ANKS1B: variants seen among roughly 807,000 people sequenced by gnomAD.
The protein encoded by ANKS1B is ankyrin repeat and sterile alpha motif domain-containing protein 1B.
ANKS1B carries 36 observed loss-of-function variants against 148.3 expected under a neutral mutation model. The observed-to-expected ratio is 0.24, with a 90% CI of 0.19 to 0.32. ANKS1B has a LOEUF of 0.32. ANKS1B is among the 10% of genes least tolerant of loss of function. The probability of loss-of-function intolerance (pLI) is 1.00; values close to 1 mark genes in which losing one functional copy is unlikely to be tolerated. For synonymous variants in ANKS1B, 542 were observed against 560.8 expected (o/e 0.97, Z 0.47); for missense variants, 1,157 against 1,542.6 (o/e 0.75, Z 4.19).
At chr12:99,617,704 T>C (rs2097986350) in intron 9 of ANKS1B, among the ~76,000 whole-genome samples, 1 of 151,850 alleles carries the variant, frequency 6.6e-6, no homozygotes, top group South Asian at 2.1e-4. Flanking sequence ...GCTTAAAACC[T>C]AGATGATGGG....
Position 99,468,511 on chromosome 12 carries a change from A to C in ANKS1B, c.1439-24702T>G, listed in dbSNP as rs1488236134. On this transcript the variant is annotated intron_variant, in intron 10 of 26. Coordinates refer to ENST00000683438, the MANE Select transcript of ANKS1B (RefSeq NM_001352186.2). ...ATCAGAGTGAACAGGCAACCTAAAA[A>C]ATGGAAGAAAATTTTCGCAACCTAC... is the stretch of plus-strand genomic sequence containing the variant. Among the ~76,000 whole-genome samples, 6 of 152,298 alleles carry C rather than the reference A, an allele frequency of 3.9e-5. No homozygotes were observed. The East Asian group carries it at 1.2e-3, about 29-fold the overall frequency.
In ANKS1B at chr12:99,504,611, T is replaced by C. The variant is rs770161611; in HGVS notation, c.1303A>G (p.Met435Val). The change falls in exon 10 of 27, where the codon ATG becomes GTG. Residue 435 changes from methionine to valine, a missense_variant. Around this residue, in one of 6 missense-constraint regions of ANKS1B, gnomAD observed 661 missense variants for 642.1 expected, o/e 1.03. Transcript: ENST00000683438. ...AGAGAAGCAGATGGTACAATTTCCATAGTGTAATTTCTCTTCTTTGGATAG... is the reference window on the plus strand; with the variant it reads ...AGAGAAGCAGATGGTACAATTTCCACAGTGTAATTTCTCTTCTTTGGATAG... The part of the protein sequence containing the change: ...ESYPKKRNYT[M>V]EIVPSASLDT... 3.1e-6 allele frequency: 5 copies of C among 1,603,998 alleles called. No homozygotes were observed. Among genetic ancestry groups the C allele is most frequent in the South Asian group, 2.2e-5 (2 of 89,042 alleles).
intron 15 of ANKS1B, among the ~76,000 whole-genome samples, chr12:99,121,425 G>T (rs1340864325): frequency 1.3e-5 from 2 of 151,230 alleles, no homozygotes; most frequent in Non-Finnish European, 2.9e-5. Flanking sequence ...TAGGGAAACA[G>T]CATTAAAGGA....
chr12:99,056,889 C>T (rs1348167583), intron 16 of ANKS1B, among the ~76,000 whole-genome samples: 1 of 152,188 alleles, frequency 6.6e-6, no homozygotes, highest in Non-Finnish European at 1.5e-5. Flanking sequence ...CATAAATGTC[C>T]TATAGGTGTC....
intron 8 of ANKS1B, among the ~76,000 whole-genome samples, chr12:99,687,129 T>C (rs2098654155): frequency 6.6e-6 from 1 of 152,178 alleles, no homozygotes; most frequent in Non-Finnish European, 1.5e-5. Flanking sequence ...GATAGTTTTT[T>C]CTTTTAGTGT....
rs1354533347 is a variant in ANKS1B, at chr12:99,302,434, CAA to C, written c.1757-55572_1757-55571del. ...TTTCATTTTATTTAGCTACTAATGT[CAA>C]GAGAGCTCAATGAAAGGAAATGTTT... is the stretch of plus-strand genomic sequence containing the variant. On this transcript the variant is annotated intron_variant, in intron 12 of 26. Transcript: ENST00000683438. 3.3e-5 allele frequency among the ~76,000 whole-genome samples: 5 copies of C among 152,166 alleles called. 1 individual carries two copies. Among genetic ancestry groups the C allele is most frequent in the African/African-American group, 1.2e-4 (5 of 41,532 alleles).
chr12:98,736,115 A>C (rs948301964), intron 9 of ANKS1B, among the ~76,000 whole-genome samples: 1 of 152,184 alleles, frequency 6.6e-6, no homozygotes, highest in Non-Finnish European at 1.5e-5. Context: ...CTTAGGCCAC[A>C]GTAAGGACTT....
At position 98,879,659 on chromosome 12, in the gene ANKS1B, C is replaced by T. The variant is rs549295532; in HGVS notation, c.2779-47523G>A. On this transcript the variant is annotated intron_variant, in intron 17 of 26. Transcript: ENST00000683438. ...GTTTTTGTGGCATTTGAGAAACCTT[C>T]GTTGAAAATTCTTTGACAGTGTCTG... 3.9e-5 allele frequency among the ~76,000 whole-genome samples: 6 copies of T among 152,166 alleles called. No homozygotes were observed. In the East Asian group the frequency reaches 9.6e-4, roughly 24 times the overall value.
Position 99,459,961 on chromosome 12 carries a change from C to A in ANKS1B, c.1439-16152G>T, listed in dbSNP as rs140506908. The stretch of plus-strand genomic sequence containing the variant: ...CCCACATAACCAAAACAAGACTAAG[C>A]AAAAAGAACAAATCCAGAGGCATTA... On this transcript the variant is annotated intron_variant, in intron 10 of 26. Transcript: ENST00000683438. Among the ~76,000 whole-genome samples, 1,397 of 152,084 alleles carry A rather than the reference C, an allele frequency of 9.2e-3. 11 individuals carry two copies. The highest frequency in any genetic ancestry group is 0.051 in the Middle Eastern group (15 of 294).
intron 9 of ANKS1B, among the ~76,000 whole-genome samples, chr12:99,552,564 C>A (rs938122473): frequency 2.6e-5 from 4 of 152,144 alleles, no homozygotes; most frequent in Non-Finnish European, 5.9e-5. Context: ...CATTGCATTA[C>A]TAAATGCTCT....
intron 8 of ANKS1B, among the ~76,000 whole-genome samples, chr12:99,703,527 G>A (rs1181550597): frequency 2.0e-5 from 3 of 151,734 alleles, no homozygotes; most frequent in Non-Finnish European, 2.9e-5. Context: ...TTCACGCCTC[G>A]TATCTTTACA....
Position 98,744,941 on chromosome 12 carries a change from A to G in ANKS1B, c.*798T>C. 1.0e-6 allele frequency: 1 copy of G among 985,854 alleles called. No homozygotes were observed. Among genetic ancestry groups the G allele is most frequent in the Non-Finnish European group, 1.2e-6 (1 of 829,916 alleles). 61.1% of individuals were successfully genotyped at this position (985,854 alleles called of 1,614,324 possible). A position where few individuals can be genotyped will look rare whatever the true frequency, so the allele number is the denominator to read the frequency against. On this transcript the variant is annotated 3_prime_UTR_variant, in exon 27 of 27. Transcript: ENST00000683438. ...CCACCACTGAGCCAGTCCTCTTGGT[A>G]GTAGCAGTAGAAATTTAATTATTTG...
intron 9 of ANKS1B, chr12:99,648,329 A>G (rs746189188): frequency 1.9e-5 from 30 of 1,614,070 alleles, no homozygotes; most frequent in Admixed American, 1.3e-4. Context: ...GACTTTATCC[A>G]GATCAGCAAA....
intron 4 of ANKS1B, among the ~76,000 whole-genome samples, chr12:99,796,197 C>T (rs902113343): frequency 1.3e-5 from 2 of 151,950 alleles, no homozygotes; most frequent in African/African-American, 4.8e-5. Flanking sequence ...GTCTACAGCA[C>T]AGAGATGCTG....
chr12:99,327,934 C>A (rs1219763518), intron 12 of ANKS1B, among the ~76,000 whole-genome samples: 1 of 151,596 alleles, frequency 6.6e-6, no homozygotes, highest in Non-Finnish European at 1.5e-5. Flanking sequence ...TTTATATGAT[C>A]CTATTTTCTG....
chr12:98,884,338 A>C (rs919276378), intron 17 of ANKS1B, among the ~76,000 whole-genome samples: 2 of 152,190 alleles, frequency 1.3e-5, no homozygotes, highest in African/African-American at 4.8e-5. Context: ...ATACGTTTGT[A>C]CTGAAAGATT....
At chr12:99,504,282 G>A (rs1243502682) in intron 10 of ANKS1B, among the ~76,000 whole-genome samples, 194 bp downstream of exon 10, 1 of 152,132 alleles carries the variant, frequency 6.6e-6, no homozygotes, top group Non-Finnish European at 1.5e-5. Flanking sequence ...CTTTTACCAG[G>A]AAGTTAGGAG....
chr12:98,852,356 G>A (rs2153774534), intron 17 of ANKS1B, among the ~76,000 whole-genome samples: 1 of 152,268 alleles, frequency 6.6e-6, no homozygotes, highest in South Asian at 2.1e-4. Flanking sequence ...AGTACCAGAT[G>A]TAGGCGTTAA....
intron 1 of ANKS1B, among the ~76,000 whole-genome samples, chr12:99,862,968 T>C (rs1458939880): frequency 6.6e-6 from 1 of 152,116 alleles, no homozygotes; most frequent in African/African-American, 2.4e-5. Flanking sequence ...CTAGACCAGA[T>C]GGAAAAAACA....
Sources: allele counts gnomAD v4.1 joint callset (sites outside exome capture counted in the v4.1 genomes callset), GRCh38; gene constraint gnomAD v4.1.1; regional missense constraint gnomAD v4.1.1; transcripts MANE v1.5; gene names NCBI Gene and HGNC (gene_info 2026-07-23, HGNC 2026-07-21).